Variants in FRMD3 observed in about 807,000 individuals in gnomAD.
FRMD3 encodes FERM domain-containing protein 3.
Under a neutral mutation model 70.2 loss-of-function variants are expected in FRMD3, and 33 were observed. The ratio of observed to expected loss-of-function variants is 0.47; its 90% CI spans 0.36 to 0.63. FRMD3 has a LOEUF of 0.63. Ranked by LOEUF, FRMD3 falls within the 20% of genes least tolerant of loss-of-function variation. The probability of loss-of-function intolerance (pLI) is 0.00; values close to 1 mark genes in which losing one functional copy is unlikely to be tolerated. For missense variants in FRMD3, 632 were observed against 711.4 expected (o/e 0.89, Z 1.27); for synonymous variants, 279 against 255.9 (o/e 1.09, Z -0.86).
At chr9:83,293,505 C>G (rs991210475) in intron 12 of FRMD3, among the ~76,000 whole-genome samples, 2 of 152,150 alleles carry the variant, frequency 1.3e-5, no homozygotes, top group African/African-American at 4.8e-5. Flanking sequence ...CCTCGGTGAG[C>G]CTTTATGAGC....
intron 2 of FRMD3, among the ~76,000 whole-genome samples, chr9:83,388,092 G>A (rs1325999196): frequency 6.6e-6 from 1 of 152,110 alleles, no homozygotes; most frequent in Non-Finnish European, 1.5e-5. Flanking sequence ...AGTACTACAG[G>A]AAACCAAAAT....
At chr9:83,585,449 G>T in the FRMD3 span, among the ~76,000 whole-genome samples, 1 of 152,292 alleles carries the variant, frequency 6.6e-6, no homozygotes, top group East Asian at 1.9e-4. Flanking sequence ...TGGGCACATT[G>T]CTACCTATAA....
chr9:83,536,930 T>TAAAAAAAAAAAAAAA lies in FRMD3; in HGVS notation c.147+1140_147+1154dup, dbSNP rs142272516. On this transcript the variant is annotated intron_variant, in intron 1 of 13. Transcript: ENST00000304195. ...ATGGGTGGTGTGCCCTGTATTACACTAAAAAAAAAAAAAAAAAAAAAAAGC... is the reference window on the plus strand; with the variant it reads ...ATGGGTGGTGTGCCCTGTATTACACTAAAAAAAAAAAAAAAAAAAAAAAAAAAAAAAAAAAAAAGC... Among the ~76,000 whole-genome samples, 532 of 60,862 alleles carry TAAAAAAAAAAAAAAA rather than the reference T, an allele frequency of 8.7e-3. 50 individuals carry two copies. Among genetic ancestry groups the TAAAAAAAAAAAAAAA allele is most frequent in the East Asian group, 0.02 (38 of 1,932 alleles). The allele number at this position is 60,862 out of a possible 152,430, so 39.9% of individuals were successfully genotyped here.
In FRMD3 at chr9:83,247,915, A is replaced by G; in HGVS notation, c.*3T>C. The G allele has an allele frequency of 6.2e-7, 1 of 1,612,680 alleles. No homozygotes were observed. The highest frequency in any genetic ancestry group is 1.1e-5 in the South Asian group (1 of 91,014). On this transcript the variant is annotated 3_prime_UTR_variant, in exon 14 of 14. Transcript: ENST00000304195. ...TAGCCCTTAGTCACGTGAGAGATTAACTTCATGAGCAACCCAGCATGTAGA... is the reference window on the plus strand; with the variant it reads ...TAGCCCTTAGTCACGTGAGAGATTAGCTTCATGAGCAACCCAGCATGTAGA...
chr9:83,309,801 C>T (rs1048290761), intron 9 of FRMD3, among the ~76,000 whole-genome samples, 177 bp from the exon 10 acceptor site: 2 of 152,036 alleles, frequency 1.3e-5, no homozygotes, highest in Admixed American at 1.3e-4. Context: ...TTCACCCCTC[C>T]CTCACCCTTT....
At chr9:83,431,977 A>T (rs1408233691) in intron 1 of FRMD3, among the ~76,000 whole-genome samples, 1 of 151,988 alleles carries the variant, frequency 6.6e-6, no homozygotes, top group Admixed American at 6.5e-5. Flanking sequence ...AAACCCTAGC[A>T]CTCTTCAGAA....
At chr9:83,408,890 A>G (rs1826200698) in intron 1 of FRMD3, among the ~76,000 whole-genome samples, 2 of 152,174 alleles carry the variant, frequency 1.3e-5, no homozygotes, top group Non-Finnish European at 2.9e-5. Context: ...ACACAGCTCA[A>G]TTTGGAAATG....
At chr9:83,416,784 T>A (rs1032201971) in intron 1 of FRMD3, among the ~76,000 whole-genome samples, 5,323 of 96,334 alleles carry the variant, frequency 0.055, 94 homozygotes, top group East Asian at 0.17. Context: ...TCTCTCTCTC[T>A]CTCACTCTCT....
chr9:83,284,918 C>T (rs565701909), intron 13 of FRMD3, among the ~76,000 whole-genome samples: 2 of 152,150 alleles, frequency 1.3e-5, no homozygotes, highest in South Asian at 2.1e-4. Flanking sequence ...AGTGACAAAT[C>T]GGAGCAACTG....
At chr9:83,371,933 G>C (rs1824986869) in intron 3 of FRMD3, among the ~76,000 whole-genome samples, 1 of 152,216 alleles carries the variant, frequency 6.6e-6, no homozygotes, top group Non-Finnish European at 1.5e-5. Flanking sequence ...CTGCCTGCTA[G>C]TTTGTCGTCC....
intron 1 of FRMD3, among the ~76,000 whole-genome samples, chr9:83,441,872 CA>C (rs34559228): frequency 6.6e-6 from 1 of 151,736 alleles, no homozygotes; most frequent in Admixed American, 6.6e-5. Flanking sequence ...TTGAAACTGC[CA>C]AAAAAAGGCC....
chr9:83,479,659 GGAAGGAAGGAAGGAAA>G (rs1828495656), intron 1 of FRMD3, among the ~76,000 whole-genome samples: 4 of 47,708 alleles, frequency 8.4e-5, no homozygotes, highest in South Asian at 1.4e-3. Flanking sequence ...AAGGAAGGAA[GGAAGGAAGGAAGGAAA>G]GAAAGAAAGA....
At chr9:83,527,981 C>G (rs76000619) in intron 1 of FRMD3, among the ~76,000 whole-genome samples, 7 of 152,186 alleles carry the variant, frequency 4.6e-5, no homozygotes, top group Admixed American at 1.3e-4. Flanking sequence ...GATTCTTATG[C>G]GATAAATTCT....
chr9:83,500,265 T>C (rs1352363176), intron 1 of FRMD3, among the ~76,000 whole-genome samples: 2 of 152,104 alleles, frequency 1.3e-5, no homozygotes, highest in African/African-American at 4.8e-5. Flanking sequence ...CATGTATTTA[T>C]AAAAGTTTGT....
At chr9:83,243,186 G>A (rs200135996), downstream of FRMD3, 161 of 1,550,118 alleles carry the variant, frequency 1.0e-4, no homozygotes, top group South Asian at 1.8e-3. Flanking sequence ...CCACGGGCAG[G>A]TTCTGCTGGG....
intron 1 of FRMD3, among the ~76,000 whole-genome samples, chr9:83,390,827 AC>A (rs1232160414): frequency 5.3e-5 from 8 of 152,220 alleles, no homozygotes; most frequent in African/African-American, 1.9e-4. Flanking sequence ...TAAGTGAGCT[AC>A]TTTTTCAATC....
At chr9:83,342,042 C>CTCTCT (rs1564024659) in intron 5 of FRMD3, among the ~76,000 whole-genome samples, 5 of 59,412 alleles carry the variant, frequency 8.4e-5, no homozygotes, top group African/African-American at 3.1e-4. Context: ...TTGACATAGT[C>CTCTCT]ATCTCTCTCT....
At chr9:83,306,551 T>TG in intron 10 of FRMD3, among the ~76,000 whole-genome samples, 1 of 152,326 alleles carries the variant, frequency 6.6e-6, no homozygotes, top group Non-Finnish European at 1.5e-5. Context: ...CTAGCTCCCC[T>TG]GGCAGCAAGA....
Position 83,450,205 on chromosome 9 carries a change from G to A in FRMD3, c.148-60497C>T, listed in dbSNP as rs565215955. Among the ~76,000 whole-genome samples, 809 of 107,324 alleles carry A rather than the reference G, an allele frequency of 7.5e-3. 6 individuals are homozygous for A. The highest frequency in any genetic ancestry group is 0.011 in the Non-Finnish European group (577 of 53,694). 70.4% of individuals were successfully genotyped at this position (107,324 alleles called of 152,430 possible). The stretch of plus-strand genomic sequence containing the variant: ...CACAGGCATGTGTGTGTGTGCACCC[G>A]TGCGCGCACACACACACACACACAG... On this transcript the variant is annotated intron_variant, in intron 1 of 13. Transcript: ENST00000304195.
Sources: allele counts gnomAD v4.1 joint callset (sites outside exome capture counted in the v4.1 genomes callset), GRCh38; gene constraint gnomAD v4.1.1; transcripts MANE v1.5; gene names NCBI Gene and HGNC (gene_info 2026-07-23, HGNC 2026-07-21).